The following STAC variants were observed in gnomAD, a reference collection of about 807,000 sequenced individuals.
STAC encodes the protein SH3 and cysteine rich domain.
STAC carries 43 observed loss-of-function variants against 48.8 expected under a neutral mutation model. The observed-to-expected ratio is 0.88, with a 90% CI of 0.69 to 1.14. STAC has a LOEUF of 1.14. STAC is among the 50% of genes most tolerant of loss of function. The pLI is 0.00. For synonymous variants in STAC, 193 were observed against 179.5 expected (o/e 1.07, Z -0.60); for missense variants, 497 against 504.0 (o/e 0.99, Z 0.13).
intron 6 of STAC, among the ~76,000 whole-genome samples, chr3:36,495,195 C>T (rs1338652917): frequency 2.6e-5 from 4 of 152,164 alleles, no homozygotes; most frequent in African/African-American, 9.7e-5. Context: ...ACACCAAATC[C>T]ATAGGGTTCT....
rs572467794 is a variant in STAC at position 36,383,693 on chromosome 3, C to T, written c.111+2939C>T. ...GTCTTTGGAAAATCTGTGAACAACC[C>T]GAACCAGCATTCAAAGTTGTCCATG... On this transcript the variant is annotated intron_variant, in intron 1 of 10. Coordinates refer to ENST00000273183, the MANE Select transcript of STAC (RefSeq NM_003149.3). 2.0e-5 allele frequency among the ~76,000 whole-genome samples: 3 copies of T among 152,298 alleles called. 1 individual carries two copies. The highest frequency in any genetic ancestry group is 4.1e-4 in the South Asian group (2 of 4,824).
chr3:36,504,267 A>C (rs1426898258), intron 6 of STAC, 126 bp from the exon 7 acceptor site: 2 of 825,310 alleles, frequency 2.4e-6, no homozygotes, highest in Non-Finnish European at 3.9e-6. Flanking sequence ...ACAGAGGGTG[A>C]GGAAAAGGCA....
intron 6 of STAC, among the ~76,000 whole-genome samples, chr3:36,494,021 G>A (rs1172924317): frequency 6.6e-6 from 1 of 151,362 alleles, no homozygotes; most frequent in African/African-American, 2.4e-5. Flanking sequence ...GCGTGATGGT[G>A]GGCGCCTGTA....
At position 36,418,750 on chromosome 3, in the gene STAC, T is replaced by C. The variant is rs190017971; in HGVS notation, c.112-24614T>C. On this transcript the variant is annotated intron_variant, in intron 1 of 10. Transcript: ENST00000273183. ...TTTCTTTCTATTTCTTCTTATAGTT[T>C]AAAATATTTATCTTTGACCTGATGT... 2.6e-5 allele frequency among the ~76,000 whole-genome samples: 4 copies of C among 152,218 alleles called. No individual in the cohort carries two copies. The East Asian group carries it at 7.7e-4, about 29-fold the overall frequency.
At chr3:36,396,785 C>G (rs1023671612) in intron 1 of STAC, among the ~76,000 whole-genome samples, 3 of 152,172 alleles carry the variant, frequency 2.0e-5, no homozygotes, top group African/African-American at 7.2e-5. Context: ...CTCCTAGTTA[C>G]TCAGAATCAC....
At chr3:36,467,494 T>A (rs922678665) in intron 2 of STAC, among the ~76,000 whole-genome samples, 12 of 152,084 alleles carry the variant, frequency 7.9e-5, no homozygotes, top group African/African-American at 1.7e-4. Context: ...TGTTGGCAAT[T>A]TTTTTGTTGC....
chr3:36,424,005 T>C (rs926540087), intron 1 of STAC, among the ~76,000 whole-genome samples: 8 of 152,216 alleles, frequency 5.3e-5, no homozygotes, highest in African/African-American at 1.9e-4. Context: ...ATAATGGATC[T>C]GTTCATGTAT....
intron 8 of STAC, 52 bp from the exon 9 acceptor site, chr3:36,528,644 T>A (rs1048668765): frequency 3.5e-6 from 5 of 1,421,254 alleles, no homozygotes; most frequent in Non-Finnish European, 4.8e-6. Flanking sequence ...CTTTAAAGTA[T>A]GTTATTTTTC....
In STAC at chr3:36,547,275, G is replaced by A. The variant is rs1011891573; in HGVS notation, c.*986G>A. The A allele has an allele frequency of 2.0e-5, 3 of 152,512 alleles. No individual in the cohort carries two copies. Among genetic ancestry groups the A allele is most frequent in the African/African-American group, 2.4e-5 (1 of 41,462 alleles). 9.4% of individuals were successfully genotyped at this position (152,512 alleles called of 1,614,324 possible). On this transcript the variant is annotated 3_prime_UTR_variant, in exon 11 of 11. Transcript: ENST00000273183. ...GTTGCAGGGAACTAGGAACATGGAG[G>A]GGAACCAACAACAGCATCTTAGAAG...
chr3:36,447,649 CCACACACACACACACACA>C (rs3061960), intron 2 of STAC, among the ~76,000 whole-genome samples: 2 of 146,314 alleles, frequency 1.4e-5, no homozygotes, highest in Admixed American at 6.9e-5. Context: ...TGTATACACA[CCACACACACACACACACA>C]CACACACACA....
intron 8 of STAC, among the ~76,000 whole-genome samples, chr3:36,527,928 C>A (rs116395863): frequency 6.6e-6 from 1 of 152,020 alleles, no homozygotes; most frequent in Non-Finnish European, 1.5e-5. Context: ...TGGAGCTAAG[C>A]AAAAGTGTGC....
rs377458910 is a variant in STAC, at chr3:36,422,480, T to C, written c.112-20884T>C. On this transcript the variant is annotated intron_variant, in intron 1 of 10. Coordinates refer to ENST00000273183, the MANE Select transcript of STAC (RefSeq NM_003149.3). ...ATATAACTTCATAAAAATTTTATTA[T>C]AAACTCATCCACTAAACATATTCAA... Among the ~76,000 whole-genome samples the C allele has an allele frequency of 2.3e-4, 35 of 152,220 alleles. 1 individual carries two copies. The South Asian group carries it at 4.1e-3, about 18-fold the overall frequency.
intron 1 of STAC, among the ~76,000 whole-genome samples, chr3:36,427,820 C>A (rs1163369322): frequency 6.6e-6 from 1 of 152,014 alleles, no homozygotes; most frequent in African/African-American, 2.4e-5. Flanking sequence ...AAATCATATA[C>A]CTCCTAATAA....
At chr3:36,469,845 CTTGT>C (rs892226830) in intron 2 of STAC, among the ~76,000 whole-genome samples, 1 of 151,648 alleles carries the variant, frequency 6.6e-6, no homozygotes, top group African/African-American at 2.4e-5. Flanking sequence ...CTTTCTTGTG[CTTGT>C]TTGATTCTAT....
At chr3:36,398,306 A>G (rs909292120) in intron 1 of STAC, among the ~76,000 whole-genome samples, 3 of 112,944 alleles carry the variant, frequency 2.7e-5, no homozygotes, top group South Asian at 3.1e-4. Context: ...AAAGAAAGAA[A>G]GAAAGAAAGA....
chr3:36,411,359 T>C (rs1700190931), intron 1 of STAC, among the ~76,000 whole-genome samples: 1 of 152,226 alleles, frequency 6.6e-6, no homozygotes, highest in African/African-American at 2.4e-5. Context: ...TCTAGAGTCC[T>C]TATCAAGAAT....
chr3:36,542,138 A>T (rs992823309), intron 10 of STAC, among the ~76,000 whole-genome samples: 24 of 152,282 alleles, frequency 1.6e-4, no homozygotes, highest in African/African-American at 5.1e-4. Context: ...GAGAATAGAA[A>T]GAATTGTTTT....
chr3:36,515,663 A>G (rs187464018), intron 8 of STAC, among the ~76,000 whole-genome samples: 1 of 150,278 alleles, frequency 6.7e-6, no homozygotes, highest in Admixed American at 6.6e-5. Flanking sequence ...TTTACATAAG[A>G]TATGAATAAA....
At chr3:36,509,932 AT>A (rs1195507378) in intron 8 of STAC, among the ~76,000 whole-genome samples, 3 of 152,156 alleles carry the variant, frequency 2.0e-5, no homozygotes, top group African/African-American at 7.2e-5. Context: ...ACCAAAAGCA[AT>A]GGCAACAAAC....
Sources: gnomAD v4.1 joint callset for allele counts (sites outside exome capture counted in the v4.1 genomes callset) on GRCh38, gnomAD v4.1.1 for gene constraint, MANE v1.5 for transcripts, NCBI Gene and HGNC (gene_info 2026-07-23, HGNC 2026-07-21) for gene names.